PRKG1: variants seen among roughly 807,000 people sequenced by gnomAD.
The protein encoded by PRKG1 is protein kinase cGMP-dependent 1.
Under a neutral mutation model 88.1 loss-of-function variants are expected in PRKG1, and 35 were observed. That is an observed-to-expected ratio of 0.40 (90% CI 0.30 to 0.53). PRKG1 has a LOEUF of 0.53. Among genes scored for constraint, PRKG1 ranks in the 20% least tolerant of loss-of-function variants. PRKG1 has a pLI of 0.59. For synonymous variants in PRKG1, 303 were observed against 292.5 expected (o/e 1.04, Z -0.37); for missense variants, 540 against 839.8 (o/e 0.64, Z 4.41).
chr10:51,884,525 G>T, intron 4 of PRKG1, among the ~76,000 whole-genome samples: 1 of 142,934 alleles, frequency 7.0e-6, no homozygotes, highest in African/African-American at 2.6e-5. Flanking sequence ...AGGTTGTTTT[G>T]TGTCCTAAAT....
At chr10:51,625,072 A>G (rs923308533) in intron 3 of PRKG1, among the ~76,000 whole-genome samples, 1 of 152,218 alleles carries the variant, frequency 6.6e-6, no homozygotes, top group African/African-American at 2.4e-5. Flanking sequence ...TCATCACTCA[A>G]AATTAATAAA....
intron 3 of PRKG1, among the ~76,000 whole-genome samples, chr10:51,712,780 G>A (rs1402004374): frequency 2.6e-5 from 4 of 151,384 alleles, no homozygotes; most frequent in Admixed American, 6.6e-5. Context: ...TAGTAGAGAC[G>A]GGGTTTCACC....
chr10:51,351,516 T>G (rs1372087277), intron 2 of PRKG1, among the ~76,000 whole-genome samples: 1 of 109,414 alleles, frequency 9.1e-6, no homozygotes, highest in South Asian at 2.6e-4. Context: ...TGATGATGAG[T>G]TTTTTTTTCA....
intron 7 of PRKG1, among the ~76,000 whole-genome samples, chr10:52,104,610 A>G (rs188406240): frequency 6.6e-6 from 1 of 152,330 alleles, no homozygotes; most frequent in East Asian, 1.9e-4. Flanking sequence ...AAAAGATGGA[A>G]TACATACATG....
intron 2 of PRKG1, among the ~76,000 whole-genome samples, chr10:51,166,657 A>G (rs947466276): frequency 6.6e-6 from 1 of 152,144 alleles, no homozygotes; most frequent in Non-Finnish European, 1.5e-5. Flanking sequence ...TATTACATCA[A>G]TTCTAGTACT....
intron 3 of PRKG1, among the ~76,000 whole-genome samples, chr10:51,507,531 A>G (rs1386462151): frequency 1.3e-5 from 2 of 152,248 alleles, no homozygotes; most frequent in African/African-American, 2.4e-5. Flanking sequence ...TATCATGAGT[A>G]CAGTGTTTCA....
chr10:51,406,755 C>T (rs551142819), intron 2 of PRKG1, among the ~76,000 whole-genome samples: 1 of 151,904 alleles, frequency 6.6e-6, no homozygotes, highest in East Asian at 1.9e-4. Flanking sequence ...AATAAATGCA[C>T]TGGATATGTT....
intron 3 of PRKG1, among the ~76,000 whole-genome samples, chr10:51,786,259 T>G (rs1411905347): frequency 6.6e-6 from 1 of 152,140 alleles, no homozygotes; most frequent in Non-Finnish European, 1.5e-5. Flanking sequence ...CTGGTGGATC[T>G]GTTATTTCTC....
intron 5 of PRKG1, among the ~76,000 whole-genome samples, chr10:51,932,774 AG>A (rs1239178774): frequency 6.6e-6 from 1 of 152,164 alleles, no homozygotes; most frequent in Non-Finnish European, 1.5e-5. Flanking sequence ...TGTTTCAATG[AG>A]GAGCTTTCAG....
At chr10:51,782,940 G>T (rs1294261889) in intron 3 of PRKG1, among the ~76,000 whole-genome samples, 1 of 152,010 alleles carries the variant, frequency 6.6e-6, no homozygotes, top group African/African-American at 2.4e-5. Flanking sequence ...TATTCAGGTA[G>T]CCTAACTCTT....
At chr10:52,096,858 C>T (rs927276001) in intron 7 of PRKG1, among the ~76,000 whole-genome samples, 98 of 152,220 alleles carry the variant, frequency 6.4e-4, no homozygotes, top group African/African-American at 2.3e-3. Context: ...ATGGATTCTA[C>T]TACAATGTAA....
At chr10:51,433,125 T>C (rs1838817340) in intron 2 of PRKG1, among the ~76,000 whole-genome samples, 1 of 152,078 alleles carries the variant, frequency 6.6e-6, no homozygotes, top group Admixed American at 6.6e-5. Context: ...TAGAAAAAAG[T>C]TATTAAAATG....
rs180749923 is a variant in PRKG1 at position 51,629,952 on chromosome 10, A to G, written c.592+162116A>G. ...TCCAATGTTCACTCATCGCCCCCATAATTCCAGTTTGGCTTTGATTGCGGT... is the reference window on the plus strand; with the variant it reads ...TCCAATGTTCACTCATCGCCCCCATGATTCCAGTTTGGCTTTGATTGCGGT... On this transcript the variant is annotated intron_variant, in intron 3 of 17. Transcript: ENST00000373980. Among the ~76,000 whole-genome samples the G allele has an allele frequency of 2.0e-4, 31 of 152,274 alleles. No homozygotes were observed. In the East Asian group the frequency reaches 5.2e-3, roughly 26 times the overall value.
At chr10:52,057,094 C>T (rs536237199) in intron 6 of PRKG1, among the ~76,000 whole-genome samples, 1 of 152,268 alleles carries the variant, frequency 6.6e-6, no homozygotes, top group South Asian at 2.1e-4. Context: ...TGGGCAAGAT[C>T]TGTTTCTTGC....
At position 51,282,769 on chromosome 10, in the gene PRKG1, T is replaced by G. The variant is rs530255758; in HGVS notation, c.478+129439T>G. ...TTGTATGAGTATAAAGTGCATTAGT[T>G]TTACAAATTATACAAAAAAAAACTA... On this transcript the variant is annotated intron_variant, in intron 2 of 17. Coordinates refer to ENST00000373980, the MANE Select transcript of PRKG1 (RefSeq NM_006258.4). 9.6e-5 allele frequency among the ~76,000 whole-genome samples: 13 copies of G among 136,036 alleles called. No individual in the cohort carries two copies. The East Asian group carries it at 2.7e-3, about 28-fold the overall frequency. The allele number at this position is 136,036 out of a possible 152,430, so 89.2% of individuals were successfully genotyped here.
At chr10:51,285,865 A>G (rs1840426828) in intron 2 of PRKG1, among the ~76,000 whole-genome samples, 1 of 152,236 alleles carries the variant, frequency 6.6e-6, no homozygotes. Flanking sequence ...CAGCAAATGA[A>G]GCAGGTGCAG....
At position 51,858,096 on chromosome 10, in the gene PRKG1, T is replaced by TATA. The variant is rs1444734414; in HGVS notation, c.699-49410_699-49408dup. ...ACATATATATAATATATATTATATA[T>TATA]ATACATATTATACATATATATAATA... On this transcript the variant is annotated intron_variant, in intron 4 of 17. Coordinates refer to ENST00000373980, the MANE Select transcript of PRKG1 (RefSeq NM_006258.4). 3.9e-4 allele frequency among the ~76,000 whole-genome samples: 29 copies of TATA among 73,644 alleles called. 4 individuals carry two copies. Among genetic ancestry groups the TATA allele is most frequent in the African/African-American group, 1.2e-3 (17 of 14,246 alleles). 48.3% of individuals were successfully genotyped at this position (73,644 alleles called of 152,430 possible). A position where few individuals can be genotyped will look rare whatever the true frequency, so the allele number is the denominator to read the frequency against.
At chr10:52,102,594 AAAAAG>A (rs1382947726) in intron 7 of PRKG1, among the ~76,000 whole-genome samples, 1 of 139,142 alleles carries the variant, frequency 7.2e-6, no homozygotes, top group Non-Finnish European at 1.6e-5. Context: ...ATATGGCAAA[AAAAAG>A]AAAAAAAAAT....
chr10:51,727,218 A>G (rs1485674019), intron 3 of PRKG1, among the ~76,000 whole-genome samples: 1 of 151,462 alleles, frequency 6.6e-6, no homozygotes, highest in Admixed American at 6.6e-5. Context: ...AGACGGGAGG[A>G]TACCTGGAGT....
Sources: gnomAD v4.1 joint callset for allele counts (sites outside exome capture counted in the v4.1 genomes callset) on GRCh38, gnomAD v4.1.1 for gene constraint, MANE v1.5 for transcripts, NCBI Gene and HGNC (gene_info 2026-07-23, HGNC 2026-07-21) for gene names.